TTLL5: variants seen among roughly 807,000 people sequenced by gnomAD.
TTLL5 encodes the protein tubulin polyglutamylase TTLL5.
TTLL5 carries 132 observed loss-of-function variants against 168.4 expected under a neutral mutation model. That is an observed-to-expected ratio of 0.78 (90% CI 0.68 to 0.91). The LOEUF (loss-of-function observed/expected upper bound fraction) is 0.91. Among genes scored for constraint, TTLL5 ranks in the 40% least tolerant of loss-of-function variants. The probability of loss-of-function intolerance (pLI) is 0.00; values close to 1 mark genes in which losing one functional copy is unlikely to be tolerated. For synonymous variants in TTLL5, 546 were observed against 558.6 expected (o/e 0.98, Z 0.32); for missense variants, 1,545 against 1,581.5 (o/e 0.98, Z 0.39).
At chr14:75,829,481 CA>C (rs1324971729) in intron 28 of TTLL5, among the ~76,000 whole-genome samples, 5 of 151,074 alleles carry the variant, frequency 3.3e-5, no homozygotes, top group Admixed American at 3.3e-4. Flanking sequence ...ATTTACTATT[CA>C]TTAAGCAGAA....
chr14:75,679,472 C>G (rs533566401), intron 3 of TTLL5, among the ~76,000 whole-genome samples: 1 of 152,308 alleles, frequency 6.6e-6, no homozygotes, highest in South Asian at 2.1e-4. Context: ...ATGTACAGAG[C>G]TGTAAGACAA....
chr14:75,796,260 C>G (rs1476733852), intron 27 of TTLL5, among the ~76,000 whole-genome samples: 2 of 151,644 alleles, frequency 1.3e-5, no homozygotes, highest in Non-Finnish European at 3.0e-5. Context: ...ATGTCCTTAG[C>G]CTTTTTGATG....
At chr14:75,925,358 C>T (rs2034002128) in intron 31 of TTLL5, among the ~76,000 whole-genome samples, 1 of 150,870 alleles carries the variant, frequency 6.6e-6, no homozygotes, top group South Asian at 2.1e-4. Flanking sequence ...GGCAGAGACG[C>T]TCCTCACCTC....
intron 27 of TTLL5, among the ~76,000 whole-genome samples, chr14:75,813,735 T>C (rs1894208493): frequency 1.3e-5 from 2 of 151,940 alleles, no homozygotes; most frequent in African/African-American, 2.4e-5. Flanking sequence ...CACAGACTTA[T>C]AAGCTTCTTA....
chr14:75,797,540 G>C (rs1893060814), intron 27 of TTLL5, among the ~76,000 whole-genome samples: 2 of 152,038 alleles, frequency 1.3e-5, no homozygotes, highest in African/African-American at 4.8e-5. Context: ...GTATAATGTT[G>C]GTTGTGGGTT....
chr14:75,926,157 T>C (rs1247377334), intron 31 of TTLL5, among the ~76,000 whole-genome samples: 3 of 33,468 alleles, frequency 9.0e-5, no homozygotes, highest in Non-Finnish European at 1.7e-4. Flanking sequence ...CAACCCCAGC[T>C]TTTTTTTTTT....
intron 31 of TTLL5, among the ~76,000 whole-genome samples, chr14:75,928,342 C>CATATATATATATATATATATATAT (rs3034073): frequency 0.015 from 1,192 of 81,682 alleles, 82 homozygotes; most frequent in African/African-American, 0.017. Context: ...ATGACAAAAA[C>CATATATATATATATATATATATAT]ATATATATAT....
At chr14:75,869,821 A>ATTGTTTTTTTTT (rs2030863777) in intron 29 of TTLL5, among the ~76,000 whole-genome samples, 1 of 82,416 alleles carries the variant, frequency 1.2e-5, no homozygotes, top group African/African-American at 5.0e-5. Context: ...TTCAACAAGT[A>ATTGTTTTTTTTT]TTTTTTTTTT....
chr14:75,776,721 T>G (rs759933493), intron 22 of TTLL5, 26 bp from the exon 23 acceptor site: 24 of 1,577,358 alleles, frequency 1.5e-5, no homozygotes, highest in Non-Finnish European at 2.1e-5. Context: ...CTTGTTGTTT[T>G]TCTGTGGGGT....
intron 26 of TTLL5, among the ~76,000 whole-genome samples, chr14:75,789,081 GAGA>G (rs938734179): frequency 3.3e-5 from 5 of 152,130 alleles, no homozygotes; most frequent in Non-Finnish European, 5.9e-5. Flanking sequence ...TCATTAGGAA[GAGA>G]AGGAGATTCT....
intron 9 of TTLL5, among the ~76,000 whole-genome samples, chr14:75,714,973 T>G (rs1056467875): frequency 1.3e-5 from 2 of 152,212 alleles, no homozygotes; most frequent in African/African-American, 4.8e-5. Context: ...AAAATAGAAG[T>G]TTATACTAGT....
At chr14:75,860,658 C>T (rs527702665) in intron 28 of TTLL5, among the ~76,000 whole-genome samples, 1 of 152,236 alleles carries the variant, frequency 6.6e-6, no homozygotes, top group African/African-American at 2.4e-5. Context: ...TTCTTTTTCA[C>T]CTGTTTCTTT....
At chr14:75,859,910 A>G (rs1435827146) in intron 28 of TTLL5, among the ~76,000 whole-genome samples, 3 of 152,154 alleles carry the variant, frequency 2.0e-5, no homozygotes, top group Non-Finnish European at 4.4e-5. Flanking sequence ...GCTGAGTGAC[A>G]CCCACTGTAA....
intron 28 of TTLL5, among the ~76,000 whole-genome samples, chr14:75,853,896 T>G (rs555005467): frequency 6.6e-6 from 1 of 152,142 alleles, no homozygotes; most frequent in East Asian, 1.9e-4. Flanking sequence ...ATACAAAAAT[T>G]AGCTGGGCGT....
Position 75,863,911 on chromosome 14 carries a change from T to TAA in TTLL5, c.3522+71_3522+72dup, listed in dbSNP as rs76733656. The stretch of plus-strand genomic sequence containing the variant: ...ATGTGTTATATCTTCCTGCTGTTGG[T>TAA]AAAAAAAAAAAAAAAAAAAAAAAGG... On this transcript the variant is annotated intron_variant, in intron 29 of 31. Transcript: ENST00000298832. The TAA allele has an allele frequency of 2.1e-3, 209 of 99,818 alleles. 6 individuals carry two copies. Among genetic ancestry groups the TAA allele is most frequent in the Middle Eastern group, 5.0e-3 (1 of 200 alleles). The allele number at this position is 99,818 out of a possible 1,614,324, so 6.2% of individuals were successfully genotyped here.
At chr14:75,784,206 C>T (rs2140333139) in intron 26 of TTLL5, among the ~76,000 whole-genome samples, 1 of 152,300 alleles carries the variant, frequency 6.6e-6, no homozygotes, top group Admixed American at 6.5e-5. Context: ...CTCCCCCAAG[C>T]CCCTGGCAAC....
intron 30 of TTLL5, among the ~76,000 whole-genome samples, chr14:75,890,452 G>T (rs1479983445): frequency 1.3e-5 from 2 of 152,092 alleles, no homozygotes; most frequent in Non-Finnish European, 2.9e-5. Flanking sequence ...TACTTTAAAA[G>T]TAGATATAGA....
intron 31 of TTLL5, among the ~76,000 whole-genome samples, chr14:75,914,254 G>T (rs1201960183): frequency 6.6e-6 from 1 of 151,178 alleles, no homozygotes; most frequent in East Asian, 1.9e-4. Flanking sequence ...TGGGTGAATT[G>T]TCTCTTCAAT....
chr14:75,934,179 C>T (rs1405501886), intron 31 of TTLL5, among the ~76,000 whole-genome samples: 1 of 152,176 alleles, frequency 6.6e-6, no homozygotes, highest in Admixed American at 6.5e-5. Flanking sequence ...GAAGTAACAT[C>T]CCATACTTTC....
Sources: gnomAD v4.1 joint callset for allele counts (sites outside exome capture counted in the v4.1 genomes callset) on GRCh38, gnomAD v4.1.1 for gene constraint, MANE v1.5 for transcripts, NCBI Gene and HGNC (gene_info 2026-07-23, HGNC 2026-07-21) for gene names.